Variants in ZDHHC11B observed in about 807,000 individuals in gnomAD.
The protein encoded by ZDHHC11B is zDHHC palmitoyltransferase 11B (putative).
In ZDHHC11B, 17 loss-of-function variants were observed where a neutral mutation model predicts 42.3. That is an observed-to-expected ratio of 0.40 (90% CI 0.27 to 0.60). The LOEUF (loss-of-function observed/expected upper bound fraction) is 0.60, where lower values mean the gene tolerates loss of function less well. Ranked by LOEUF, ZDHHC11B falls within the 20% of genes least tolerant of loss-of-function variation. The pLI, the probability that ZDHHC11B is intolerant of heterozygous loss-of-function variation, is 0.41. For missense variants in ZDHHC11B, 262 were observed against 463.2 expected (o/e 0.57, Z 3.99); for synonymous variants, 123 against 193.5 (o/e 0.64, Z 3.02).
chr5:716,000 C>T (rs1460540182), intron 13 of ZDHHC11B, among the ~76,000 whole-genome samples: 3 of 150,528 alleles, frequency 2.0e-5, no homozygotes, highest in African/African-American at 7.4e-5. Flanking sequence ...TTTTCCTGTC[C>T]AGCTAGCTTT....
chr5:733,762 G>A lies in ZDHHC11B; in HGVS notation c.1013C>T (p.Ser338Leu), dbSNP rs745750361. 8 of 1,610,942 alleles carry A rather than the reference G, an allele frequency of 5.0e-6. No individual in the cohort carries two copies. In the Admixed American group the frequency reaches 5.0e-5, roughly 10 times the overall value. ...FCTSVNQDGD[S>L]KAQEADDAPS... ...GTGACTGCAACTTACCTGTGCCTTC[G>A]AATCCCCGTCCTGGTTTACTGAAGT... The change falls in exon 11 of 14, where the codon TCG (serine) becomes TTG (leucine). Residue 338 changes from serine to leucine, a missense_variant. By Grantham distance (145) the Ser-to-Leu change is moderately radical. Coordinates refer to ENST00000508859, the MANE Select transcript of ZDHHC11B (RefSeq NM_001351303.2).
intron 1 of ZDHHC11B, among the ~76,000 whole-genome samples, chr5:777,905 C>CG (rs1232493744): frequency 6.6e-6 from 1 of 151,170 alleles, no homozygotes; most frequent in African/African-American, 2.4e-5. Flanking sequence ...CGAGGGAGCC[C>CG]GGGGCGGGGG....
At chr5:764,904 A>G (rs1306513716) in intron 4 of ZDHHC11B, among the ~76,000 whole-genome samples, 152 of 130,038 alleles carry the variant, frequency 1.2e-3, no homozygotes, top group Middle Eastern at 9.7e-3. Flanking sequence ...TCTAGCTCGA[A>G]GTTTGTAAAT....
At chr5:771,800 C>T (rs1347714629) in intron 1 of ZDHHC11B, among the ~76,000 whole-genome samples, 4 of 148,602 alleles carry the variant, frequency 2.7e-5, no homozygotes, top group Admixed American at 1.4e-4. Flanking sequence ...CTCAGGGCTG[C>T]GTTCTGTGGT....
chr5:718,266 C>A (rs186141407), intron 12 of ZDHHC11B, among the ~76,000 whole-genome samples: 1 of 151,630 alleles, frequency 6.6e-6, no homozygotes, highest in African/African-American at 2.4e-5. Context: ...TTGTAGAAAG[C>A]TATAGAGCCT....
chr5:759,177 G>A (rs1472792331), intron 4 of ZDHHC11B, among the ~76,000 whole-genome samples: 8 of 151,918 alleles, frequency 5.3e-5, no homozygotes, highest in East Asian at 1.9e-4. Context: ...CTTGAGAACC[G>A]TAGCTATGCT....
At chr5:744,978 T>G (rs1196137353) in intron 9 of ZDHHC11B, among the ~76,000 whole-genome samples, 1 of 146,740 alleles carries the variant, frequency 6.8e-6, no homozygotes. Context: ...CACTAGGAAG[T>G]CCGTGGTGCA....
chr5:780,464 A>T (rs1403298060), intron 1 of ZDHHC11B, among the ~76,000 whole-genome samples: 1 of 150,896 alleles, frequency 6.6e-6, no homozygotes, highest in Admixed American at 6.6e-5. Context: ...CGCGCACACT[A>T]TTGATCCACG....
intron 1 of ZDHHC11B, among the ~76,000 whole-genome samples, 200 bp downstream of exon 1, chr5:784,468 G>A (rs1385218805): frequency 6.6e-6 from 1 of 152,240 alleles, no homozygotes; most frequent in African/African-American, 2.4e-5. Flanking sequence ...TCGCGTCCTC[G>A]CACCGAGCCC....
chr5:773,186 G>A (rs569540937), intron 1 of ZDHHC11B, among the ~76,000 whole-genome samples: 16 of 151,972 alleles, frequency 1.1e-4, no homozygotes, highest in Admixed American at 5.9e-4. Flanking sequence ...CTGGGCGGGC[G>A]CCTCTACCTT....
chr5:765,866 T>C (rs1735247827), intron 4 of ZDHHC11B, among the ~76,000 whole-genome samples: 1 of 151,938 alleles, frequency 6.6e-6, no homozygotes, highest in Non-Finnish European at 1.5e-5. Flanking sequence ...GGCTTCATTC[T>C]TGAAGTTGGT....
intron 1 of ZDHHC11B, among the ~76,000 whole-genome samples, chr5:784,182 T>C (rs1248967591): frequency 6.6e-5 from 10 of 151,126 alleles, no homozygotes; most frequent in Non-Finnish European, 1.3e-4. Flanking sequence ...GCCGTTTCTG[T>C]GGCCAGGGAT....
rs62332147 is a variant in ZDHHC11B, at chr5:771,232, C to A, written c.-229-2302G>T. ...AGTCATGGCCAAAGTGTGGCTCTGTCATCGTGGGGGTCCTGAGTGTGGCCC... is the reference window on the plus strand; with the variant it reads ...AGTCATGGCCAAAGTGTGGCTCTGTAATCGTGGGGGTCCTGAGTGTGGCCC... On this transcript the variant is annotated intron_variant, in intron 1 of 13. Transcript: ENST00000508859. 1.5e-4 allele frequency among the ~76,000 whole-genome samples: 23 copies of A among 151,922 alleles called. 1 individual carries two copies. Among genetic ancestry groups the A allele is most frequent in the Non-Finnish European group, 2.1e-4 (14 of 67,866 alleles).
intron 11 of ZDHHC11B, chr5:732,354 CAG>C (rs1743079304): frequency 4.1e-6 from 1 of 242,564 alleles, no homozygotes; most frequent in African/African-American, 2.3e-5. Flanking sequence ...ATAGATGCTG[CAG>C]AGACACCGAG....
Position 764,668 on chromosome 5 carries a change from C to T in ZDHHC11B, c.222+2030G>A, listed in dbSNP as rs1462666474. On this transcript the variant is annotated intron_variant, in intron 4 of 13. Coordinates refer to ENST00000508859, the MANE Select transcript of ZDHHC11B (RefSeq NM_001351303.2). ...CGCTGCCATGGGCTCCTGCGCAGCC[C>T]GAGCCTCCCCAGTGAGCACCGTCCC... Among the ~76,000 whole-genome samples, 8 of 151,838 alleles carry T rather than the reference C, an allele frequency of 5.3e-5. No individual in the cohort carries two copies. In the East Asian group the frequency reaches 9.7e-4, roughly 18 times the overall value.
Position 711,685 on chromosome 5 carries a change from T to TATTCCCCAGTACTCTGTGCTCCC in ZDHHC11B, c.*582_*604dup. On this transcript the variant is annotated 3_prime_UTR_variant, in exon 14 of 14. Transcript: ENST00000508859. The stretch of plus-strand genomic sequence containing the variant: ...CTCCCATTTCCCAGTACTGTGCTCC[T>TATTCCCCAGTACTCTGTGCTCCC]ATTCCCCAGTACTCTGTGCTCCCAT... 7.7e-6 allele frequency: 1 copy of TATTCCCCAGTACTCTGTGCTCCC among 129,868 alleles called. No homozygotes were observed. The allele number at this position is 129,868 out of a possible 1,614,324, so 8.0% of individuals were successfully genotyped here.
intron 6 of ZDHHC11B, among the ~76,000 whole-genome samples, chr5:753,672 C>T (rs1364908896): frequency 1.3e-5 from 2 of 148,546 alleles, no homozygotes; most frequent in Admixed American, 6.9e-5. Flanking sequence ...GGGGAGGAGG[C>T]GGGTGGGTCT....
In ZDHHC11B at chr5:742,578, G is replaced by T. The variant is rs753978163; in HGVS notation, c.901-950C>A. ...TCCCCGCAGTGTGTGCTCACTTCAA[G>T]CGTCTGTGTAAGCAGCTTTTAGCAG... On this transcript the variant is annotated intron_variant, in intron 9 of 13. Coordinates refer to ENST00000508859, the MANE Select transcript of ZDHHC11B (RefSeq NM_001351303.2). 7.1e-4 allele frequency among the ~76,000 whole-genome samples: 105 copies of T among 148,068 alleles called. 4 individuals carry two copies. Among genetic ancestry groups the T allele is most frequent in the African/African-American group, 1.6e-3 (63 of 40,264 alleles).
chr5:765,652 T>C (rs559656889), intron 4 of ZDHHC11B, among the ~76,000 whole-genome samples: 77 of 151,854 alleles, frequency 5.1e-4, no homozygotes, highest in Non-Finnish European at 1.0e-3. Context: ...CTCTTTGCAA[T>C]ACATCTTGCT....
Sources: allele counts gnomAD v4.1 joint callset (sites outside exome capture counted in the v4.1 genomes callset), GRCh38; gene constraint gnomAD v4.1.1; transcripts MANE v1.5; gene names NCBI Gene and HGNC (gene_info 2026-07-23, HGNC 2026-07-21).